The following PDE4B variants were observed in gnomAD, a reference collection of about 807,000 sequenced individuals.
PDE4B encodes the protein phosphodiesterase 4B, also known as 3',5'-cyclic-AMP phosphodiesterase 4B.
A neutral mutation model predicts 82.2 loss-of-function variants in PDE4B; 20 were observed. That is an observed-to-expected ratio of 0.24 (90% confidence interval 0.17 to 0.35). PDE4B has a LOEUF of 0.35. Ranked by LOEUF, PDE4B falls within the 10% of genes least tolerant of loss-of-function variation. PDE4B has a pLI of 1.00. For missense variants in PDE4B, 655 were observed against 907.2 expected (o/e 0.72, Z 3.57); for synonymous variants, 320 against 318.9 (o/e 1.00, Z -0.04).
intron 1 of PDE4B, among the ~76,000 whole-genome samples, chr1:65,901,252 C>G (rs1646969206): frequency 6.6e-6 from 1 of 152,010 alleles, no homozygotes; most frequent in African/African-American, 2.4e-5. Flanking sequence ...TGATGAATCA[C>G]ATTTATTGAT....
chr1:66,186,793 A>T (rs1647233006), intron 3 of PDE4B, among the ~76,000 whole-genome samples: 1 of 152,120 alleles, frequency 6.6e-6, no homozygotes, highest in Admixed American at 6.6e-5. Flanking sequence ...GGACAATTTG[A>T]CTTCCTCTTT....
At chr1:66,128,726 A>G (rs1260679721) in intron 3 of PDE4B, among the ~76,000 whole-genome samples, 1 of 152,194 alleles carries the variant, frequency 6.6e-6, no homozygotes, top group Non-Finnish European at 1.5e-5. Context: ...GGTTTAATGG[A>G]CTCACAGTTC....
At chr1:65,800,797 G>T (rs1645686145) in intron 1 of PDE4B, among the ~76,000 whole-genome samples, 1 of 152,192 alleles carries the variant, frequency 6.6e-6, no homozygotes, top group Non-Finnish European at 1.5e-5. Context: ...GTTGGGCTAA[G>T]ACTATCCAAC....
chr1:65,988,573 A>G (rs1312982568), intron 3 of PDE4B, among the ~76,000 whole-genome samples: 1 of 152,168 alleles, frequency 6.6e-6, no homozygotes, highest in Non-Finnish European at 1.5e-5. Context: ...AAATAAAGAC[A>G]TGATCAATAA....
At chr1:65,824,758 C>T (rs1462450297) in intron 1 of PDE4B, among the ~76,000 whole-genome samples, 1 of 151,850 alleles carries the variant, frequency 6.6e-6, no homozygotes, top group Non-Finnish European at 1.5e-5. Flanking sequence ...TACAGCAAGC[C>T]CTTCTTGGTA....
chr1:66,017,117 T>A (rs1652822909), intron 3 of PDE4B, among the ~76,000 whole-genome samples: 1 of 151,938 alleles, frequency 6.6e-6, no homozygotes, highest in Non-Finnish European at 1.5e-5. Context: ...ATTCTTTGCC[T>A]TTTTTTGGAT....
intron 3 of PDE4B, among the ~76,000 whole-genome samples, chr1:66,200,314 G>C (rs1290094260): frequency 2.6e-5 from 4 of 152,166 alleles, no homozygotes; most frequent in Admixed American, 6.5e-5. Context: ...GCTTAGGATT[G>C]ACTTGGCGAT....
chr1:65,806,339 GAA>G (rs1645754664), intron 1 of PDE4B, among the ~76,000 whole-genome samples: 1 of 151,972 alleles, frequency 6.6e-6, no homozygotes, highest in Admixed American at 6.6e-5. Context: ...GTATGACTAA[GAA>G]AAAATACTAG....
chr1:66,172,971 A>G (rs1415874496), intron 3 of PDE4B, among the ~76,000 whole-genome samples: 2 of 152,182 alleles, frequency 1.3e-5, no homozygotes, highest in African/African-American at 4.8e-5. Flanking sequence ...CTGAAGTTGT[A>G]TAATTATCAG....
chr1:66,122,048 CT>C (rs1230546724), intron 3 of PDE4B, among the ~76,000 whole-genome samples: 2 of 152,050 alleles, frequency 1.3e-5, no homozygotes, highest in African/African-American at 4.8e-5. Context: ...CTGCTTCCTT[CT>C]CATCTTTATA....
At chr1:66,237,485 C>T (rs1652549378) in intron 3 of PDE4B, among the ~76,000 whole-genome samples, 1 of 152,160 alleles carries the variant, frequency 6.6e-6, no homozygotes, top group African/African-American at 2.4e-5. Flanking sequence ...AAACCTGGAA[C>T]TGAAAATGCA....
intron 3 of PDE4B, among the ~76,000 whole-genome samples, chr1:66,152,157 G>T (rs892563506): frequency 1.3e-5 from 2 of 152,076 alleles, no homozygotes; most frequent in African/African-American, 4.8e-5. Flanking sequence ...AAGATTTTTG[G>T]TGTAACAGAG....
In PDE4B at chr1:66,012,369, G is replaced by A. The variant is rs540834470; in HGVS notation, c.281+93534G>A. On this transcript the variant is annotated intron_variant, in intron 3 of 16. Transcript: ENST00000341517. ...TGCAGCTCAGGCTCCTACTCAGAGA[G>A]CATCATTATAATTCTATCCATGACT... 8.5e-5 allele frequency among the ~76,000 whole-genome samples: 13 copies of A among 152,220 alleles called. No homozygotes were observed. In the South Asian group the frequency reaches 2.3e-3, roughly 27 times the overall value.
intron 3 of PDE4B, among the ~76,000 whole-genome samples, chr1:66,203,717 C>A (rs1189891067): frequency 6.6e-6 from 1 of 151,612 alleles, no homozygotes; most frequent in Non-Finnish European, 1.5e-5. Flanking sequence ...TTAAGCACTT[C>A]TCTGCATTGG....
intron 12 of PDE4B, 58 bp downstream of exon 12, chr1:66,363,629 C>A: frequency 1.4e-6 from 2 of 1,415,832 alleles, no homozygotes; most frequent in Non-Finnish European, 2.0e-6. Context: ...AATGCCATAT[C>A]AGCTGGATGT....
intron 6 of PDE4B, among the ~76,000 whole-genome samples, chr1:66,260,018 G>A (rs1309112067): frequency 6.6e-6 from 1 of 152,156 alleles, no homozygotes. Flanking sequence ...ACTTAAAACA[G>A]CATCTTGCAC....
chr1:66,013,083 T>C (rs569325853), intron 3 of PDE4B, among the ~76,000 whole-genome samples: 1 of 152,172 alleles, frequency 6.6e-6, no homozygotes, highest in Non-Finnish European at 1.5e-5. Flanking sequence ...AACTGTGCTA[T>C]GACTGAATGT....
chr1:66,052,814 C>T (rs1378734737), intron 3 of PDE4B, among the ~76,000 whole-genome samples: 6 of 152,062 alleles, frequency 3.9e-5, no homozygotes, highest in South Asian at 2.1e-4. Context: ...TAGCGGTTTT[C>T]CCAGATGAAG....
At chr1:66,079,004 T>C (rs1459983887) in intron 3 of PDE4B, among the ~76,000 whole-genome samples, 1 of 152,146 alleles carries the variant, frequency 6.6e-6, no homozygotes, top group Non-Finnish European at 1.5e-5. Context: ...ATATAATGAA[T>C]AAACCCTGAT....
Sources: allele counts gnomAD v4.1 joint callset (sites outside exome capture counted in the v4.1 genomes callset), GRCh38; gene constraint gnomAD v4.1.1; transcripts MANE v1.5; gene names NCBI Gene and HGNC (gene_info 2026-07-23, HGNC 2026-07-21).